The following VAPB variants were observed in gnomAD, a reference collection of about 807,000 sequenced individuals.
VAPB encodes the protein vesicle-associated membrane protein-associated protein B/C.
VAPB carries 7 observed loss-of-function variants against 25.6 expected under a neutral mutation model. That is an observed-to-expected ratio of 0.27 (90% CI 0.16 to 0.51). The LOEUF is 0.51. Ranked by LOEUF, VAPB falls within the 20% of genes least tolerant of loss-of-function variation. VAPB has a pLI of 0.97. For synonymous variants in VAPB, 112 were observed against 109.2 expected (o/e 1.03, Z -0.16); for missense variants, 266 against 301.3 (o/e 0.88, Z 0.87).
intron 2 of VAPB, among the ~76,000 whole-genome samples, chr20:58,422,622 G>C (rs1481039699): frequency 1.4e-5 from 2 of 146,202 alleles, no homozygotes; most frequent in African/African-American, 2.5e-5. Context: ...TTTTTTTTTA[G>C]TGCTTCAGTT....
chr20:58,400,879 CCT>C (rs1988081273), intron 1 of VAPB, among the ~76,000 whole-genome samples: 1 of 152,202 alleles, frequency 6.6e-6, no homozygotes, highest in Non-Finnish European at 1.5e-5. Context: ...CTGATGGACT[CCT>C]CTGAAAATCT....
At position 58,418,203 on chromosome 20, in the gene VAPB, T is replaced by C; in HGVS notation, c.59-8T>C. On this transcript the variant is annotated splice_region_variant and splice_polypyrimidine_tract_variant and intron_variant, in intron 1 of 5. Transcript: ENST00000475243. Reference sequence around the variant, plus strand: ...AGACCCCCAATCAGTCTCTGTCTCATTCTACAGGTCCCTTCACCGATGTTG... The same window carrying C: ...AGACCCCCAATCAGTCTCTGTCTCACTCTACAGGTCCCTTCACCGATGTTG... 6.2e-7 allele frequency: 1 copy of C among 1,614,138 alleles called. No homozygotes were observed.
At chr20:58,441,200 C>T in intron 5 of VAPB, 117 bp downstream of exon 5, 1 of 1,141,634 alleles carries the variant, frequency 8.8e-7, no homozygotes, top group Non-Finnish European at 1.3e-6. Flanking sequence ...TGGTATTTGG[C>T]TATTTTTTTC....
Position 58,448,145 on chromosome 20 carries a change from T to C in VAPB, c.*3910T>C, listed in dbSNP as rs1362451633. 2.2e-6 allele frequency: 1 copy of C among 454,028 alleles called. No homozygotes were observed. The highest frequency in any genetic ancestry group is 2.3e-5 in the Admixed American group (1 of 42,566). 28.1% of individuals were successfully genotyped at this position (454,028 alleles called of 1,614,324 possible). On this transcript the variant is annotated 3_prime_UTR_variant, in exon 6 of 6. Coordinates refer to ENST00000475243, the MANE Select transcript of VAPB (RefSeq NM_004738.5). Reference sequence around the variant, plus strand: ...TGTTGAGAAGGAGTGTTCTCAAAGATGAGCTGGAATGGAATTGTATTTAGA... The same window carrying C: ...TGTTGAGAAGGAGTGTTCTCAAAGACGAGCTGGAATGGAATTGTATTTAGA...
intron 2 of VAPB, among the ~76,000 whole-genome samples, chr20:58,427,654 A>C (rs1030811932): frequency 5.0e-4 from 76 of 151,794 alleles, no homozygotes; most frequent in Admixed American, 6.6e-4. Flanking sequence ...TACCATTATG[A>C]TGCAGGCAGA....
At chr20:58,439,196 C>T (rs901035728) in intron 4 of VAPB, 171 bp downstream of exon 4, 2 of 638,282 alleles carry the variant, frequency 3.1e-6, no homozygotes, top group Non-Finnish European at 5.4e-6. Context: ...TGAAATCAGC[C>T]TTTGAAAAAC....
At chr20:58,389,584 G>A (rs1987734210) in intron 1 of VAPB, 67 bp downstream of exon 1, 1 of 1,488,914 alleles carries the variant, frequency 6.7e-7, no homozygotes, top group Non-Finnish European at 9.0e-7. Flanking sequence ...GACGGAGCCC[G>A]GCGCGGCGGG....
intron 3 of VAPB, among the ~76,000 whole-genome samples, chr20:58,435,630 T>G (rs1989026950): frequency 6.6e-6 from 1 of 152,224 alleles, no homozygotes; most frequent in East Asian, 1.9e-4. Context: ...CCCCATGCCC[T>G]ATGTCACCAC....
At position 58,447,077 on chromosome 20, in the gene VAPB, C is replaced by T. The variant is rs1480934123; in HGVS notation, c.*2842C>T. 8.8e-6 allele frequency: 4 copies of T among 454,040 alleles called. No individual in the cohort carries two copies. The highest frequency in any genetic ancestry group is 7.0e-5 in the Admixed American group (3 of 42,574). The allele number at this position is 454,040 out of a possible 1,614,324, so 28.1% of individuals were successfully genotyped here. ...GCATGGGGGAGCTGCTGCCAGGCTG[C>T]CCTCCAGTCTGCTCCTGTGGTTACT... On this transcript the variant is annotated 3_prime_UTR_variant, in exon 6 of 6. Transcript: ENST00000475243.
chr20:58,434,632 A>G lies in VAPB; in HGVS notation c.242A>G (p.Asn81Ser). 3 of 1,592,778 alleles carry G rather than the reference A, an allele frequency of 1.9e-6. No homozygotes were observed. Among genetic ancestry groups the G allele is most frequent in the South Asian group, 1.1e-5 (1 of 90,604 alleles). The stretch of plus-strand genomic sequence containing the variant: ...TTACAGCCTTTCGATTATGATCCCA[A>G]TGAGAAAAGTAAACACAAGTTTATG... The part of the protein sequence containing the change: ...VMLQPFDYDP[N>S]EKSKHKFMVQ... Residue 81 changes from asparagine (N) to serine (S), a missense_variant, in exon 3 of 6, where the codon AAT becomes AGT. Asn to Ser is a conservative substitution (Grantham distance 46, BLOSUM62 1). Around this residue, in one of 3 missense-constraint regions of VAPB, gnomAD observed 98 missense variants for 147.1 expected, o/e 0.67. Transcript: ENST00000475243.
At chr20:58,413,732 G>GGCTGAC in intron 1 of VAPB, among the ~76,000 whole-genome samples, 1 of 151,466 alleles carries the variant, frequency 6.6e-6, no homozygotes, top group Middle Eastern at 3.4e-3. Flanking sequence ...CCGGGCAGAG[G>GGCTGAC]CGCCCGTCAC....
intron 3 of VAPB, among the ~76,000 whole-genome samples, chr20:58,436,246 A>G (rs1989041548): frequency 6.6e-6 from 1 of 152,134 alleles, no homozygotes; most frequent in Non-Finnish European, 1.5e-5. Flanking sequence ...CACAAATGAA[A>G]AAAATTTAAA....
chr20:58,414,398 G>A (rs895271429), intron 1 of VAPB, among the ~76,000 whole-genome samples: 9 of 151,238 alleles, frequency 6.0e-5, no homozygotes, highest in South Asian at 2.1e-4. Flanking sequence ...CGGGGTGGCC[G>A]CCGGGCGGAG....
intron 5 of VAPB, 51 bp downstream of exon 5, chr20:58,441,134 G>A: frequency 6.3e-7 from 1 of 1,592,740 alleles, no homozygotes; most frequent in Non-Finnish European, 8.6e-7. Context: ...GTTTTCACTA[G>A]CTTCTTGGGT....
At chr20:58,425,689 G>A (rs1205507977) in intron 2 of VAPB, among the ~76,000 whole-genome samples, 1 of 152,112 alleles carries the variant, frequency 6.6e-6, no homozygotes, top group Non-Finnish European at 1.5e-5. Context: ...TTCCAGGTGT[G>A]TACCCTGGGC....
chr20:58,441,338 A>G (rs557407384), intron 5 of VAPB, among the ~76,000 whole-genome samples: 3 of 152,070 alleles, frequency 2.0e-5, no homozygotes, highest in South Asian at 4.1e-4. Context: ...CCCTTAAAAA[A>G]AAAAACAAAA....
chr20:58,404,168 T>C (rs1414234109), intron 1 of VAPB, among the ~76,000 whole-genome samples: 1 of 152,196 alleles, frequency 6.6e-6, no homozygotes, highest in Non-Finnish European at 1.5e-5. Context: ...TGAAATTTGA[T>C]ATCATTTCTT....
intron 2 of VAPB, among the ~76,000 whole-genome samples, chr20:58,420,050 A>C (rs2268919): frequency 0.34 from 51,049 of 151,660 alleles, 8,896 homozygotes; most frequent in African/African-American, 0.35. Context: ...CAGTGGCGCG[A>C]TCTCTGCTCA....
intron 1 of VAPB, among the ~76,000 whole-genome samples, chr20:58,399,330 A>G (rs1257260275): frequency 6.6e-6 from 1 of 151,862 alleles, no homozygotes; most frequent in Admixed American, 6.6e-5. Context: ...AAAGAAAGAA[A>G]AAGTGCCTTA....
Sources: allele counts gnomAD v4.1 joint callset (sites outside exome capture counted in the v4.1 genomes callset), GRCh38; gene constraint gnomAD v4.1.1; regional missense constraint gnomAD v4.1.1; transcripts MANE v1.5; gene names NCBI Gene and HGNC (gene_info 2026-07-23, HGNC 2026-07-21).